The following STRBP variants were observed in gnomAD, a reference collection of about 807,000 sequenced individuals.
STRBP encodes the protein spermatid perinuclear RNA-binding protein.
Under a neutral mutation model 80.1 loss-of-function variants are expected in STRBP, and 13 were observed. That is an observed-to-expected ratio of 0.16 (90% CI 0.11 to 0.26). The LOEUF (loss-of-function observed/expected upper bound fraction) is 0.26, where lower values mean the gene tolerates loss of function less well. Ranked by LOEUF, STRBP falls within the 10% of genes least tolerant of loss-of-function variation. The pLI, the probability that STRBP is intolerant of heterozygous loss-of-function variation, is 1.00. For missense variants in STRBP, 485 were observed against 815.2 expected (o/e 0.59, Z 4.93); for synonymous variants, 284 against 291.2 (o/e 0.98, Z 0.25).
intron 1 of STRBP, among the ~76,000 whole-genome samples, chr9:123,247,057 A>T (rs16926291): frequency 0.018 from 2,774 of 152,172 alleles, 38 homozygotes; most frequent in South Asian, 0.063. Flanking sequence ...ACAATAATTT[A>T]AAAAAAAGTT....
At position 123,124,986 on chromosome 9, in the gene STRBP, A is replaced by G. The variant is rs1482191939; in HGVS notation, c.*611T>C. 2.0e-6 allele frequency: 2 copies of G among 985,628 alleles called. No individual in the cohort carries two copies. The highest frequency in any genetic ancestry group is 2.4e-6 in the Non-Finnish European group (2 of 829,816). The allele number at this position is 985,628 out of a possible 1,614,324, so 61.1% of individuals were successfully genotyped here. A position where few individuals can be genotyped will look rare whatever the true frequency, so the allele number is the denominator to read the frequency against. On this transcript the variant is annotated 3_prime_UTR_variant, in exon 19 of 19. Coordinates refer to ENST00000348403, the MANE Select transcript of STRBP (RefSeq NM_018387.5). ...TCTAGGGCTAAGTTATTAGTTTTCA[A>G]TTCCTTGTAATTTGATACCAAAACA...
intron 3 of STRBP, chr9:123,114,214 G>C (rs958430622): frequency 6.0e-6 from 1 of 167,050 alleles, no homozygotes; most frequent in East Asian, 1.9e-4. Flanking sequence ...ACCCATGCTG[G>C]CCTTCAGCTC....
chr9:123,230,812 T>G (rs1385383996), intron 2 of STRBP, among the ~76,000 whole-genome samples: 1 of 152,248 alleles, frequency 6.6e-6, no homozygotes. Context: ...GTCTTCCACA[T>G]ACTTTTTTCA....
Position 123,160,592 on chromosome 9 carries a change from C to T in STRBP, c.628-130G>A, listed in dbSNP as rs924299471. The stretch of plus-strand genomic sequence containing the variant: ...CAGGCAAACAAAAAAATCAATTAAT[C>T]ACAAGTAGTAAAATTAAGGCTTAAA... On this transcript the variant is annotated intron_variant, in intron 7 of 18. Transcript: ENST00000348403. 8 of 535,254 alleles carry T rather than the reference C, an allele frequency of 1.5e-5. 1 individual carries two copies. In the South Asian group the frequency reaches 4.4e-4, roughly 29 times the overall value. The allele number at this position is 535,254 out of a possible 1,614,324, so 33.2% of individuals were successfully genotyped here.
At chr9:123,141,470 C>CT (rs892419642) in intron 13 of STRBP, among the ~76,000 whole-genome samples, 3 of 152,186 alleles carry the variant, frequency 2.0e-5, no homozygotes, top group African/African-American at 7.2e-5. Context: ...TCTCCACTGT[C>CT]TGAGTCCTGT....
intron 1 of STRBP, among the ~76,000 whole-genome samples, chr9:123,240,344 AT>A (rs778921533): frequency 5.9e-5 from 9 of 152,212 alleles, no homozygotes; most frequent in Non-Finnish European, 1.3e-4. Flanking sequence ...CCACACCGAA[AT>A]CTAGAGATCC....
intron 11 of STRBP, 25 bp downstream of exon 11, chr9:123,157,987 C>T: frequency 6.4e-7 from 1 of 1,552,824 alleles, no homozygotes; most frequent in Non-Finnish European, 8.9e-7. Flanking sequence ...AACCCCCAAC[C>T]CTAATAAAAA....
In STRBP at chr9:123,122,763, A is replaced by C. The variant is rs2035772461; in HGVS notation, c.*2834T>G. 1 of 992,712 alleles carries C rather than the reference A, an allele frequency of 1.0e-6. No homozygotes were observed. The highest frequency in any genetic ancestry group is 1.2e-6 in the Non-Finnish European group (1 of 834,820). 61.5% of individuals were successfully genotyped at this position (992,712 alleles called of 1,614,324 possible). A position where few individuals can be genotyped will look rare whatever the true frequency, so the allele number is the denominator to read the frequency against. On this transcript the variant is annotated 3_prime_UTR_variant, in exon 19 of 19. Transcript: ENST00000348403. ...ATCTCTGAGAAATTATAGTAACGCT[A>C]ACTGACGCAGTCAGGAATGTAACTA...
chr9:123,113,249 A>G (rs2035596167), intron 3 of STRBP: 2 of 167,368 alleles, frequency 1.2e-5, no homozygotes, highest in African/African-American at 4.8e-5. Flanking sequence ...ACAGCTGTCC[A>G]GTGGCTCCCT....
At position 123,136,892 on chromosome 9, in the gene STRBP, C is replaced by A. The variant is rs566005880; in HGVS notation, c.1498-377G>T. Among the ~76,000 whole-genome samples the A allele has an allele frequency of 1.3e-5, 2 of 152,270 alleles. No homozygotes were observed. The highest frequency in any genetic ancestry group is 4.2e-4 in the South Asian group (2 of 4,814). ...TGATGCCTAAGGGTTCATCATTTTT[C>A]TTCTTTAGGGTTAGGAAGAAATAAC... On this transcript the variant is annotated intron_variant, in intron 14 of 18. Coordinates refer to ENST00000348403, the MANE Select transcript of STRBP (RefSeq NM_018387.5). The surrounding 1 kb of genome is among the most constrained non-coding windows in gnomAD (Gnocchi z 4.2).
At chr9:123,248,749 C>T (rs1210156330) in intron 1 of STRBP, among the ~76,000 whole-genome samples, 5 of 152,180 alleles carry the variant, frequency 3.3e-5, no homozygotes, top group Admixed American at 3.3e-4. Context: ...CCTGAATGAG[C>T]ACTGTCTGTA....
chr9:123,258,542 G>T (rs997635188), intron 1 of STRBP, among the ~76,000 whole-genome samples: 1 of 152,294 alleles, frequency 6.6e-6, no homozygotes, highest in African/African-American at 2.4e-5. Flanking sequence ...GGTGGCTCAC[G>T]CCTGTAATCC....
intron 14 of STRBP, among the ~76,000 whole-genome samples, chr9:123,137,259 A>G (rs903135921): frequency 6.6e-6 from 1 of 152,194 alleles, no homozygotes; most frequent in African/African-American, 2.4e-5. Flanking sequence ...TAACAAATAA[A>G]CCCACAAAAT....
chr9:123,218,463 G>A (rs924684369), intron 2 of STRBP, among the ~76,000 whole-genome samples: 2 of 142,208 alleles, frequency 1.4e-5, no homozygotes, highest in South Asian at 2.2e-4. Flanking sequence ...TCCGCCTCCC[G>A]GGTTCACGCC....
chr9:123,248,687 C>A (rs758247610), intron 1 of STRBP, among the ~76,000 whole-genome samples: 7 of 152,074 alleles, frequency 4.6e-5, no homozygotes, highest in Non-Finnish European at 1.0e-4. Context: ...TTTTGTAAGC[C>A]TAACATAATT....
chr9:123,190,173 G>A lies in STRBP; in HGVS notation c.-164-5875C>T, dbSNP rs146576073. Among the ~76,000 whole-genome samples, 67 of 152,052 alleles carry A rather than the reference G, an allele frequency of 4.4e-4. No homozygotes were observed. In the East Asian group the frequency reaches 0.012, roughly 27 times the overall value. On this transcript the variant is annotated intron_variant, in intron 2 of 18. Transcript: ENST00000348403. The stretch of plus-strand genomic sequence containing the variant: ...CACATGCCTGTAATCTCAGCCACTC[G>A]GGAGACTGAGGCAGAAGAATCACTT...
At chr9:123,191,146 G>T (rs1301410019) in intron 2 of STRBP, among the ~76,000 whole-genome samples, 1 of 152,166 alleles carries the variant, frequency 6.6e-6, no homozygotes, top group Non-Finnish European at 1.5e-5. Context: ...GCTTGGAAAA[G>T]AGAGGAAGCA....
At chr9:123,218,394 GCT>G (rs2039967121) in intron 2 of STRBP, among the ~76,000 whole-genome samples, 1 of 120,246 alleles carries the variant, frequency 8.3e-6, no homozygotes, top group South Asian at 2.5e-4. Context: ...ACGGAGTCTC[GCT>G]CTGTCGCCCA....
At chr9:123,141,161 CT>C (rs2036576506) in intron 13 of STRBP, among the ~76,000 whole-genome samples, 1 of 152,136 alleles carries the variant, frequency 6.6e-6, no homozygotes, top group Non-Finnish European at 1.5e-5. Context: ...AGAAGCCAGC[CT>C]TTATAAACAA....
Sources: gnomAD v4.1 joint callset for allele counts (sites outside exome capture counted in the v4.1 genomes callset) on GRCh38, gnomAD v4.1.1 for gene constraint, Gnocchi (gnomAD v3.1) non-coding constraint, MANE v1.5 for transcripts, NCBI Gene and HGNC (gene_info 2026-07-23, HGNC 2026-07-21) for gene names.